ZMYM2: variants seen among roughly 807,000 people sequenced by gnomAD.
ZMYM2 encodes the protein zinc finger MYM-type containing 2, also known as zinc finger MYM-type protein 2.
ZMYM2 carries 56 observed loss-of-function variants against 162.8 expected under a neutral mutation model. The observed-to-expected ratio is 0.34, with a 90% CI of 0.28 to 0.43. The LOEUF (loss-of-function observed/expected upper bound fraction) is 0.43, where lower values mean the gene tolerates loss of function less well. Among genes scored for constraint, ZMYM2 ranks in the 20% least tolerant of loss-of-function variants. The probability of loss-of-function intolerance (pLI) is 1.00; values close to 1 mark genes in which losing one functional copy is unlikely to be tolerated. For synonymous variants in ZMYM2, 510 were observed against 541.6 expected (o/e 0.94, Z 0.81); for missense variants, 1,275 against 1,621.8 (o/e 0.79, Z 3.67).
chr13:19,865,931 A>G, the ZMYM2 span, among the ~76,000 whole-genome samples: 2 of 152,252 alleles, frequency 1.3e-5, no homozygotes, highest in Non-Finnish European at 2.9e-5. Context: ...AAGGGGCCAG[A>G]TAGCCTGCCT....
the ZMYM2 span, among the ~76,000 whole-genome samples, chr13:19,876,358 T>C: frequency 6.6e-6 from 1 of 151,080 alleles, no homozygotes; most frequent in East Asian, 2.0e-4. Context: ...AGTCTCCCTC[T>C]GTCACCCAGG....
chr13:19,866,652 G>T, the ZMYM2 span, among the ~76,000 whole-genome samples: 1 of 152,146 alleles, frequency 6.6e-6, no homozygotes, highest in Admixed American at 6.6e-5. Context: ...CAACAAGGGC[G>T]AAACTCCGTC....
rs1956189179 is a variant in ZMYM2 at position 20,061,034 on chromosome 13, A to G, written c.2740-19A>G. The G allele has an allele frequency of 1.9e-6, 3 of 1,595,534 alleles. No homozygotes were observed. Among genetic ancestry groups the G allele is most frequent in the East Asian group, 2.2e-5 (1 of 44,612 alleles). On this transcript the variant is annotated intron_variant, in intron 16 of 24. Transcript: ENST00000610343. ...TTTAATGTTTAGTAAACCTAACTCAAAATGATTTGGTTAATTAGGTGCCAG... is the reference window on the plus strand; with the variant it reads ...TTTAATGTTTAGTAAACCTAACTCAGAATGATTTGGTTAATTAGGTGCCAG...
intron 6 of ZMYM2, among the ~76,000 whole-genome samples, chr13:20,010,945 T>A (rs1184037421): frequency 2.0e-5 from 3 of 152,230 alleles, no homozygotes; most frequent in African/African-American, 7.2e-5. Flanking sequence ...GGCCCTCTTT[T>A]ATTTTTAGTT....
chr13:20,039,725 C>G (rs1954063560), intron 12 of ZMYM2, among the ~76,000 whole-genome samples: 1 of 152,178 alleles, frequency 6.6e-6, no homozygotes, highest in South Asian at 2.1e-4. Context: ...ATCTGCCCAT[C>G]TCAGCCTCCT....
At chr13:20,038,371 AT>A (rs1282149639) in intron 12 of ZMYM2, among the ~76,000 whole-genome samples, 5 of 152,068 alleles carry the variant, frequency 3.3e-5, no homozygotes, top group African/African-American at 1.2e-4. Flanking sequence ...CCAGAATGGT[AT>A]TGCCTAGGTT....
upstream of ZMYM2, among the ~76,000 whole-genome samples, chr13:19,955,188 G>A (rs893144843): frequency 1.3e-5 from 2 of 151,814 alleles, no homozygotes; most frequent in Non-Finnish European, 1.5e-5. Context: ...CGGTAGCATA[G>A]TATTGGTGGT....
the ZMYM2 span, among the ~76,000 whole-genome samples, chr13:19,885,884 T>TATATGTGTATACAC: frequency 2.4e-5 from 1 of 41,366 alleles, no homozygotes; most frequent in African/African-American, 6.4e-5. Context: ...TATATACACA[T>TATATGTGTATACAC]ATATATGTGT....
At chr13:19,884,448 G>A in the ZMYM2 span, among the ~76,000 whole-genome samples, 2 of 152,104 alleles carry the variant, frequency 1.3e-5, no homozygotes, top group East Asian at 3.9e-4. Flanking sequence ...CGTGGCGGCG[G>A]GCGGCCGTGG....
the ZMYM2 span, among the ~76,000 whole-genome samples, chr13:19,946,712 A>T: frequency 6.6e-6 from 1 of 152,244 alleles, no homozygotes; most frequent in African/African-American, 2.4e-5. Context: ...TTAGACTCCC[A>T]GTTAACATTT....
At chr13:19,965,732 CATTTTAATT>C (rs1955694404) in intron 2 of ZMYM2, among the ~76,000 whole-genome samples, 1 of 146,832 alleles carries the variant, frequency 6.8e-6, no homozygotes, top group Non-Finnish European at 1.5e-5. Context: ...TTATTTTAAT[CATTTTAATT>C]ATTTCTGGCC....
chr13:19,936,415 G>A, the ZMYM2 span, among the ~76,000 whole-genome samples: 1 of 152,052 alleles, frequency 6.6e-6, no homozygotes, highest in Non-Finnish European at 1.5e-5. Flanking sequence ...GAAGAGGTAC[G>A]TAATTTTTTC....
chr13:19,958,436 G>A (rs1009823826), upstream of ZMYM2, among the ~76,000 whole-genome samples: 1 of 152,062 alleles, frequency 6.6e-6, no homozygotes, highest in Non-Finnish European at 1.5e-5. Flanking sequence ...GCGAATCTCG[G>A]GCTCCTGACC....
chr13:19,893,428 C>A, the ZMYM2 span, among the ~76,000 whole-genome samples: 3 of 150,574 alleles, frequency 2.0e-5, no homozygotes, highest in African/African-American at 7.4e-5. Context: ...ACTTTAAATT[C>A]TTTTATAACA....
In ZMYM2 at chr13:20,058,106, TG is replaced by T. The variant is rs200079303; in HGVS notation, c.2494-467del. ...ACAACTTAAAGTTTGAGGATATCTT[TG>T]GTAATTGTTTTCATTTTTCTTTTCA... On this transcript the variant is annotated intron_variant, in intron 14 of 24. Coordinates refer to ENST00000610343, the MANE Select transcript of ZMYM2 (RefSeq NM_197968.4). 5.4e-3 allele frequency among the ~76,000 whole-genome samples: 821 copies of T among 152,324 alleles called. 6 individuals are homozygous for T. The highest frequency in any genetic ancestry group is 8.3e-3 in the Non-Finnish European group (567 of 68,026).
At chr13:19,934,803 GT>G in the ZMYM2 span, among the ~76,000 whole-genome samples, 3 of 141,504 alleles carry the variant, frequency 2.1e-5, no homozygotes, top group African/African-American at 8.7e-5. Context: ...GTCTCTCTCT[GT>G]TGCCCACGCT....
chr13:20,025,208 T>C (rs1952468841), intron 7 of ZMYM2: 3 of 200,078 alleles, frequency 1.5e-5, no homozygotes, highest in Middle Eastern at 1.6e-3. Context: ...AGCCTTCTTA[T>C]ATTTTCATAT....
chr13:19,991,117 G>A (rs116489658), intron 2 of ZMYM2, among the ~76,000 whole-genome samples: 2,322 of 139,382 alleles, frequency 0.017, 55 homozygotes, highest in African/African-American at 0.057. Flanking sequence ...GTGTGTGTAC[G>A]TATGTGTTTT....
chr13:20,032,912 A>C (rs1953333830), intron 10 of ZMYM2, among the ~76,000 whole-genome samples: 1 of 152,106 alleles, frequency 6.6e-6, no homozygotes, highest in Non-Finnish European at 1.5e-5. Flanking sequence ...CCCAGCCTGG[A>C]TTACATGATT....
Sources: gnomAD v4.1 joint callset for allele counts (sites outside exome capture counted in the v4.1 genomes callset) on GRCh38, gnomAD v4.1.1 for gene constraint, MANE v1.5 for transcripts, NCBI Gene and HGNC (gene_info 2026-07-23, HGNC 2026-07-21) for gene names.